PNOC: variants seen among roughly 807,000 people sequenced by gnomAD.
PNOC encodes prepronociceptin.
In PNOC, 10 loss-of-function variants were observed where a neutral mutation model predicts 15.6. The ratio of observed to expected loss-of-function variants is 0.64; its 90% confidence interval spans 0.40 to 1.09. The LOEUF (loss-of-function observed/expected upper bound fraction) is 1.09. PNOC is among the 50% of genes least tolerant of loss of function. The pLI, the probability that PNOC is intolerant of heterozygous loss-of-function variation, is 0.01. For synonymous variants in PNOC, 98 were observed against 88.5 expected, an observed-to-expected ratio of 1.11 and a Z score of -0.60; for missense variants, 220 against 223.9, an observed-to-expected ratio of 0.98 and a Z score of 0.11.
chr8:28,332,022 G>T (rs1201802560), intron 2 of PNOC, among the ~76,000 whole-genome samples: 1 of 152,198 alleles, frequency 6.6e-6, no homozygotes, highest in Non-Finnish European at 1.5e-5. Context: ...AAAATTTGGA[G>T]CATGTCTGCA....
intron 2 of PNOC, chr8:28,338,686 C>T: frequency 9.8e-7 from 1 of 1,024,886 alleles, no homozygotes; most frequent in Non-Finnish European, 1.2e-6. Context: ...CAGTCATGAG[C>T]TGTGCTTGGC....
chr8:28,330,396 A>ATTTTATTTTATTTTATTTTATT (rs377288105), intron 2 of PNOC, among the ~76,000 whole-genome samples: 1 of 80,416 alleles, frequency 1.2e-5, no homozygotes, highest in Admixed American at 1.7e-4. Context: ...ATTTTATTTT[A>ATTTTATTTTATTTTATTTTATT]TTTTTTTTTT....
chr8:28,318,959 C>G (rs1046252978), intron 1 of PNOC, among the ~76,000 whole-genome samples: 6 of 152,230 alleles, frequency 3.9e-5, no homozygotes, highest in Non-Finnish European at 8.8e-5. Context: ...AGAGCTGTCA[C>G]TAAGCTATCC....
intron 1 of PNOC, among the ~76,000 whole-genome samples, chr8:28,325,206 G>A (rs1364616887): frequency 6.6e-6 from 1 of 152,148 alleles, no homozygotes. Flanking sequence ...ACTATGATGT[G>A]CTCTTCCAGA....
chr8:28,323,408 A>T (rs1258001146), intron 1 of PNOC, among the ~76,000 whole-genome samples: 1 of 152,232 alleles, frequency 6.6e-6, no homozygotes, highest in Non-Finnish European at 1.5e-5. Flanking sequence ...TGATTTACTG[A>T]TGTTTGCTAT....
chr8:28,341,309 C>A (rs770220316), intron 3 of PNOC, among the ~76,000 whole-genome samples: 2 of 152,186 alleles, frequency 1.3e-5, no homozygotes, highest in Non-Finnish European at 2.9e-5. Flanking sequence ...CAGGATGACT[C>A]ATCTCCAAAG....
At chr8:28,338,916 T>A (rs1585841159) in intron 2 of PNOC, 124 bp from the exon 3 acceptor site, 6 of 1,085,462 alleles carry the variant, frequency 5.5e-6, no homozygotes, top group African/African-American at 3.1e-5. Context: ...CTGCTCCACG[T>A]TACTTGATAA....
intron 2 of PNOC, among the ~76,000 whole-genome samples, chr8:28,332,732 C>T (rs1274223326): frequency 6.6e-6 from 1 of 152,206 alleles, no homozygotes; most frequent in African/African-American, 2.4e-5. Context: ...AGGTGGATCA[C>T]TTGAGGCCAG....
Position 28,320,745 on chromosome 8 carries a change from G to A in PNOC, c.-24+3429G>A, listed in dbSNP as rs1351738211. ...GGGCGCCTGTAGTCCCAGCTACTCG[G>A]GAGGCTGAGGCAGGAGAATGGCGTG... On this transcript the variant is annotated intron_variant, in intron 1 of 3. Transcript: ENST00000301908. Among the ~76,000 whole-genome samples, 6 of 151,934 alleles carry A rather than the reference G, an allele frequency of 3.9e-5. No individual in the cohort carries two copies. In the East Asian group the frequency reaches 9.7e-4, roughly 25 times the overall value.
chr8:28,319,417 C>T (rs950366158), intron 1 of PNOC, among the ~76,000 whole-genome samples: 2 of 152,144 alleles, frequency 1.3e-5, no homozygotes, highest in Non-Finnish European at 2.9e-5. Flanking sequence ...AGGAGCATTT[C>T]CTCCAGGCAT....
At chr8:28,325,178 G>A (rs927806461) in intron 1 of PNOC, among the ~76,000 whole-genome samples, 8 of 152,164 alleles carry the variant, frequency 5.3e-5, no homozygotes, top group Admixed American at 2.6e-4. Context: ...TGGGGCCCCC[G>A]AGGCTCGCTG....
At chr8:28,338,751 G>A (rs1443008103) in intron 2 of PNOC, 4 of 1,135,898 alleles carry the variant, frequency 3.5e-6, no homozygotes, top group Non-Finnish European at 4.3e-6. Context: ...CATTTATCCT[G>A]TGTTAACTTC....
chr8:28,329,099 G>A, intron 1 of PNOC, 36 bp from the exon 2 acceptor site: 4 of 1,605,464 alleles, frequency 2.5e-6, no homozygotes, highest in Non-Finnish European at 3.4e-6. Context: ...CTCCGAGAAT[G>A]GCTGTACTCA....
At chr8:28,324,807 G>A (rs977662659) in intron 1 of PNOC, among the ~76,000 whole-genome samples, 2 of 152,158 alleles carry the variant, frequency 1.3e-5, no homozygotes, top group African/African-American at 2.4e-5. Context: ...GGGTTGCAGT[G>A]AGCCAAGGTT....
chr8:28,318,423 AGCTTTGCACG>A (rs758823480), intron 1 of PNOC, among the ~76,000 whole-genome samples: 4 of 152,212 alleles, frequency 2.6e-5, no homozygotes. Context: ...ACAAAAGATG[AGCTTTGCACG>A]GCATTCGCCA....
chr8:28,319,940 A>T (rs903059504), intron 1 of PNOC, among the ~76,000 whole-genome samples: 14 of 152,132 alleles, frequency 9.2e-5, no homozygotes, highest in African/African-American at 3.4e-4. Context: ...TTTTCCATCT[A>T]ATCACAAACT....
intron 1 of PNOC, among the ~76,000 whole-genome samples, chr8:28,328,651 G>C (rs962763670): frequency 5.9e-5 from 9 of 152,154 alleles, no homozygotes; most frequent in African/African-American, 2.2e-4. Context: ...TCCCCTTACA[G>C]ATCTCATTTC....
chr8:28,341,576 G>A (rs1163262182), intron 3 of PNOC, among the ~76,000 whole-genome samples: 2 of 152,150 alleles, frequency 1.3e-5, no homozygotes, highest in African/African-American at 4.8e-5. Context: ...CCATTAACAG[G>A]AATCCATTTA....
At chr8:28,339,579 A>G in intron 3 of PNOC, 88 bp downstream of exon 3, 1 of 1,060,026 alleles carries the variant, frequency 9.4e-7, no homozygotes. Flanking sequence ...AAGCACATTC[A>G]TCTCCCCGCC....
Sources: allele counts gnomAD v4.1 joint callset (sites outside exome capture counted in the v4.1 genomes callset), GRCh38; gene constraint gnomAD v4.1.1; transcripts MANE v1.5; gene names NCBI Gene and HGNC (gene_info 2026-07-23, HGNC 2026-07-21).